Variants in SMAP1 observed in about 807,000 individuals in gnomAD.
SMAP1 encodes the protein stromal membrane-associated protein 1.
Under a neutral mutation model 58.5 loss-of-function variants are expected in SMAP1, and 24 were observed. That is an observed-to-expected ratio of 0.41 (90% CI 0.30 to 0.58). SMAP1 has a LOEUF of 0.58. SMAP1 is among the 20% of genes least tolerant of loss of function. SMAP1 has a pLI of 0.29. For missense variants in SMAP1, 563 were observed against 566.3 expected (o/e 0.99, Z 0.06); for synonymous variants, 216 against 196.6 (o/e 1.10, Z -0.82).
chr6:70,787,618 C>T (rs1768115937), intron 4 of SMAP1, among the ~76,000 whole-genome samples: 4 of 152,240 alleles, frequency 2.6e-5, no homozygotes, highest in Admixed American at 2.6e-4. Flanking sequence ...AAACAAACAA[C>T]CCCATCAAAA....
At chr6:70,833,400 A>G (rs1407539528) in intron 6 of SMAP1, among the ~76,000 whole-genome samples, 1 of 152,198 alleles carries the variant, frequency 6.6e-6, no homozygotes, top group African/African-American at 2.4e-5. Context: ...CCTCCACAAG[A>G]TTTGATAATG....
In SMAP1 at chr6:70,741,308, G is replaced by C. The variant is rs189121893; in HGVS notation, c.252+8797G>C. ...GGTAGTTACTTCCTAGATACAGTGG[G>C]AATACAGGCATTGGGTAAATACAGC... On this transcript the variant is annotated intron_variant, in intron 2 of 10. Coordinates refer to ENST00000370455, the MANE Select transcript of SMAP1 (RefSeq NM_001044305.3). Among the ~76,000 whole-genome samples the C allele has an allele frequency of 3.4e-3, 515 of 152,322 alleles. 1 individual carries two copies. Among genetic ancestry groups the C allele is most frequent in the Non-Finnish European group, 4.8e-3 (329 of 68,028 alleles).
intron 5 of SMAP1, among the ~76,000 whole-genome samples, chr6:70,796,661 G>A (rs1768621111): frequency 6.6e-6 from 1 of 152,130 alleles, no homozygotes. Context: ...GAGTAGATAT[G>A]AAGATCTTTT....
At chr6:70,802,861 T>G (rs1380042300) in intron 6 of SMAP1, among the ~76,000 whole-genome samples, 1 of 122,310 alleles carries the variant, frequency 8.2e-6, no homozygotes, top group Non-Finnish European at 1.9e-5. Context: ...GAAGCCCACT[T>G]GATCGTGGTG....
At chr6:70,744,302 C>T (rs1765934099) in intron 2 of SMAP1, among the ~76,000 whole-genome samples, 1 of 151,864 alleles carries the variant, frequency 6.6e-6, no homozygotes, top group South Asian at 2.1e-4. Context: ...TTAGGTATTT[C>T]TCCTAATGCT....
intron 1 of SMAP1, among the ~76,000 whole-genome samples, chr6:70,704,419 T>C (rs1449505509): frequency 6.6e-6 from 1 of 152,240 alleles, no homozygotes; most frequent in Non-Finnish European, 1.5e-5. Context: ...TAAATTTGAT[T>C]GTATTTTGCT....
At chr6:70,701,800 A>T (rs1767641221) in intron 1 of SMAP1, among the ~76,000 whole-genome samples, 1 of 152,216 alleles carries the variant, frequency 6.6e-6, no homozygotes, top group African/African-American at 2.4e-5. Context: ...CCTTTTCTCA[A>T]TATGATATTA....
intron 3 of SMAP1, among the ~76,000 whole-genome samples, chr6:70,766,597 GT>G (rs1458659332): frequency 6.6e-6 from 1 of 152,170 alleles, no homozygotes; most frequent in East Asian, 1.9e-4. Flanking sequence ...GGGGTGGTTT[GT>G]TTTTTTCTTG....
chr6:70,779,091 C>T (rs1767658658), intron 4 of SMAP1, among the ~76,000 whole-genome samples: 2 of 152,342 alleles, frequency 1.3e-5, no homozygotes, highest in South Asian at 4.1e-4. Flanking sequence ...GTGGCAGCCC[C>T]AGGCAGGCGG....
rs753923496 is a variant in SMAP1, at chr6:70,668,040, G to C, written c.17G>C (p.Cys6Ser). Residue 6 changes from cysteine to serine, a missense_variant, in exon 1 of 11, where the codon TGT becomes TCT. Physicochemically the swap from Cys to Ser is moderately radical, Grantham distance 112. This residue lies in a region of SMAP1 where 52 missense variants were observed against 46.6 expected (regional missense o/e 1.11). Coordinates refer to ENST00000370455, the MANE Select transcript of SMAP1 (RefSeq NM_001044305.3). Reference sequence around the variant, plus strand: ...GCTGCCGAGATGGCGACGCGCTCCTGTCGGGAGAAGGCTCAGAAGCTGAAC... The same window carrying C: ...GCTGCCGAGATGGCGACGCGCTCCTCTCGGGAGAAGGCTCAGAAGCTGAAC... MATRS[C>S]REKAQKLNEQ... The C allele has an allele frequency of 6.2e-7, 1 of 1,601,360 alleles. No individual in the cohort carries two copies. The highest frequency in any genetic ancestry group is 8.5e-7 in the Non-Finnish European group (1 of 1,174,944).
At chr6:70,756,991 C>G (rs557250470) in intron 3 of SMAP1, among the ~76,000 whole-genome samples, 1 of 152,238 alleles carries the variant, frequency 6.6e-6, no homozygotes, top group Non-Finnish European at 1.5e-5. Flanking sequence ...CTACCAATGA[C>G]TTTCTTCACA....
chr6:70,744,338 G>A (rs528521858), intron 2 of SMAP1, among the ~76,000 whole-genome samples: 2 of 150,024 alleles, frequency 1.3e-5, no homozygotes, highest in African/African-American at 2.5e-5. Flanking sequence ...CCACACCCCC[G>A]ATAGGCCCCG....
chr6:70,716,115 A>G (rs928487572), intron 1 of SMAP1, among the ~76,000 whole-genome samples: 2 of 152,226 alleles, frequency 1.3e-5, no homozygotes, highest in African/African-American at 2.4e-5. Flanking sequence ...TACATACCAC[A>G]GTTATCTACT....
chr6:70,731,251 G>A (rs1337780453), intron 1 of SMAP1, among the ~76,000 whole-genome samples: 1 of 151,894 alleles, frequency 6.6e-6, no homozygotes, highest in African/African-American at 2.4e-5. Context: ...AATTTTACAA[G>A]CAATATGTGA....
At chr6:70,722,551 A>G (rs1204912633) in intron 1 of SMAP1, among the ~76,000 whole-genome samples, 1 of 152,236 alleles carries the variant, frequency 6.6e-6, no homozygotes, top group Non-Finnish European at 1.5e-5. Flanking sequence ...TTAAAGACAC[A>G]CAGACAGAAA....
intron 3 of SMAP1, among the ~76,000 whole-genome samples, chr6:70,770,442 T>C (rs1163615165): frequency 2.6e-5 from 4 of 152,204 alleles, no homozygotes; most frequent in Admixed American, 6.5e-5. Context: ...GAGACTTTGT[T>C]CGTTTCTTTT....
In SMAP1 at chr6:70,861,731, G is replaced by T. The variant is rs149616588; in HGVS notation, c.*1397G>T. 3.2e-5 allele frequency: 51 copies of T among 1,613,952 alleles called. No homozygotes were observed. In the African/African-American group the frequency reaches 6.5e-4, roughly 21 times the overall value. ...TTGGCTAGATTAACCTTCTCTGTCC[G>T]AGTGTGCCACACGAGAACCTGAAGG... On this transcript the variant is annotated 3_prime_UTR_variant, in exon 11 of 11. Coordinates refer to ENST00000370455, the MANE Select transcript of SMAP1 (RefSeq NM_001044305.3).
intron 7 of SMAP1, among the ~76,000 whole-genome samples, chr6:70,840,577 GATCATGCTTGTGTTCCT>G (rs59569972): frequency 0.049 from 7,425 of 152,194 alleles, 552 homozygotes; most frequent in African/African-American, 0.17. Context: ...CTTGTGTTCC[GATCATGCTTGTGTTCCT>G]ATCAACTGTA....
chr6:70,684,244 A>G (rs541050569), intron 1 of SMAP1, among the ~76,000 whole-genome samples: 2 of 152,332 alleles, frequency 1.3e-5, no homozygotes, highest in African/African-American at 4.8e-5. Context: ...AAATCTGTAA[A>G]TAGCGTGGAA....
Sources: gnomAD v4.1 joint callset for allele counts (sites outside exome capture counted in the v4.1 genomes callset) on GRCh38, gnomAD v4.1.1 for gene constraint, gnomAD v4.1.1 regional missense constraint, MANE v1.5 for transcripts, NCBI Gene and HGNC (gene_info 2026-07-23, HGNC 2026-07-21) for gene names.